Variants in DAB2IP observed in about 807,000 individuals in gnomAD.
DAB2IP encodes the protein disabled homolog 2-interacting protein.
DAB2IP carries 28 observed loss-of-function variants against 107.2 expected under a neutral mutation model. The observed-to-expected ratio is 0.26, with a 90% CI of 0.19 to 0.36. The LOEUF (loss-of-function observed/expected upper bound fraction) is 0.36. Ranked by LOEUF, DAB2IP falls within the 10% of genes least tolerant of loss-of-function variation. The pLI, the probability that DAB2IP is intolerant of heterozygous loss-of-function variation, is 1.00. For synonymous variants in DAB2IP, 755 were observed against 706.4 expected (o/e 1.07, Z -1.09); for missense variants, 1,400 against 1,644.7 (o/e 0.85, Z 2.57).
chr9:121,698,252 C>T lies in DAB2IP; in HGVS notation c.229-1073C>T, dbSNP rs181998733. ...CACCCCCCTCTTTAGAGGACTCCCC[C>T]TCCTCCAGTTTTCCTCTCCCTCAAG... On this transcript the variant is annotated intron_variant, in intron 2 of 15. Transcript: ENST00000408936. The surrounding 1 kb of genome is among the most constrained non-coding windows in gnomAD (Gnocchi z 4.1). Among the ~76,000 whole-genome samples, 8 of 152,314 alleles carry T rather than the reference C, an allele frequency of 5.3e-5. No individual in the cohort carries two copies. Among genetic ancestry groups the T allele is most frequent in the Non-Finnish European group, 8.8e-5 (6 of 68,024 alleles).
At chr9:121,624,805 C>T (rs1831585235) in intron 1 of DAB2IP, among the ~76,000 whole-genome samples, 1 of 152,194 alleles carries the variant, frequency 6.6e-6, no homozygotes, top group African/African-American at 2.4e-5. Context: ...ATGTAACACA[C>T]AACTGTACCT....
chr9:121,764,550 T>C (rs976561593), intron 8 of DAB2IP, among the ~76,000 whole-genome samples: 1 of 152,194 alleles, frequency 6.6e-6, no homozygotes, highest in Non-Finnish European at 1.5e-5. Context: ...GTGCCGAGTA[T>C]AGCCTCGTTC....
intron 3 of DAB2IP, chr9:121,743,043 A>G (rs1457363684): frequency 7.3e-6 from 7 of 961,420 alleles, no homozygotes; most frequent in Non-Finnish European, 8.7e-6. Context: ...TGGAGGGAGC[A>G]GGTGGGAGGA....
chr9:121,727,193 C>T (rs181175097), intron 3 of DAB2IP, among the ~76,000 whole-genome samples: 1 of 152,332 alleles, frequency 6.6e-6, no homozygotes, highest in East Asian at 1.9e-4. Context: ...ATCTGGAGAT[C>T]CCTCAAGCCC....
At chr9:121,570,378 T>G (rs1829910985) in intron 1 of DAB2IP, among the ~76,000 whole-genome samples, 1 of 151,738 alleles carries the variant, frequency 6.6e-6, no homozygotes, top group South Asian at 2.1e-4. Context: ...CCTCCCAAAG[T>G]GCTGTGATCC....
At position 121,760,310 on chromosome 9, in the gene DAB2IP, G is replaced by T. The variant is rs201057911; in HGVS notation, c.1041G>T (p.Glu347Asp). The T allele has an allele frequency of 6.2e-7, 1 of 1,613,648 alleles. No homozygotes were observed. The highest frequency in any genetic ancestry group is 1.7e-5 in the Admixed American group (1 of 60,002). ...TCCTGCCCATGGAGATGTACAAAGAGTTCGCTGAGCACATCACCAACCACT... is the reference window on the plus strand; with the variant it reads ...TCCTGCCCATGGAGATGTACAAAGATTTCGCTGAGCACATCACCAACCACT... Residue 347 changes from glutamate (E) to aspartate (D), a missense_variant, in exon 6 of 16, where the codon GAG (glutamate) becomes GAT (aspartate). By Grantham distance (45) the Glu-to-Asp change is conservative. This residue lies in a region of DAB2IP where 517 missense variants were observed against 748.6 expected (regional missense o/e 0.69). Coordinates refer to ENST00000408936, the Ensembl canonical transcript of DAB2IP. The surrounding 1 kb of genome is among the most constrained non-coding windows in gnomAD (Gnocchi z 5.9).
intron 3 of DAB2IP, among the ~76,000 whole-genome samples, chr9:121,711,426 G>A (rs1030257253): frequency 6.6e-6 from 1 of 152,208 alleles, no homozygotes; most frequent in Non-Finnish European, 1.5e-5. Flanking sequence ...TTGTGACCCA[G>A]GAGATGAAAG....
chr9:121,762,757 C>A (rs1833985834), intron 6 of DAB2IP, among the ~76,000 whole-genome samples: 2 of 152,218 alleles, frequency 1.3e-5, no homozygotes, highest in African/African-American at 4.8e-5. Flanking sequence ...TAGTTGTGAG[C>A]ACAAGGAGGT....
intron 1 of DAB2IP, among the ~76,000 whole-genome samples, chr9:121,666,607 G>A (rs1295898797): frequency 1.3e-5 from 2 of 152,134 alleles, no homozygotes; most frequent in Admixed American, 1.3e-4. Flanking sequence ...CGGGTTGGGG[G>A]GCCAGGGGAG....
At chr9:121,697,405 C>A (rs956286114) in intron 2 of DAB2IP, among the ~76,000 whole-genome samples, 1 of 152,198 alleles carries the variant, frequency 6.6e-6, no homozygotes, top group African/African-American at 2.4e-5. Context: ...GAGAACCCAT[C>A]CAAATTAGCC....
At chr9:121,578,445 C>T (rs986236305) in intron 1 of DAB2IP, among the ~76,000 whole-genome samples, 6 of 151,974 alleles carry the variant, frequency 3.9e-5, no homozygotes, top group Non-Finnish European at 5.9e-5. Context: ...GAGGGCCTAC[C>T]GTGCCCGGCA....
intron 14 of DAB2IP, among the ~76,000 whole-genome samples, chr9:121,778,611 CTT>C (rs1835376368): frequency 6.6e-6 from 1 of 151,980 alleles, no homozygotes; most frequent in Admixed American, 6.6e-5. Context: ...AGCTTTATCT[CTT>C]TGTTGCTCTA....
chr9:121,674,233 C>T (rs1833797406), intron 1 of DAB2IP, among the ~76,000 whole-genome samples: 2 of 152,184 alleles, frequency 1.3e-5, no homozygotes, highest in Non-Finnish European at 2.9e-5. Context: ...TGCCAGGGTT[C>T]CTCTTTGGCC....
chr9:121,625,107 T>C (rs967767865), intron 1 of DAB2IP, among the ~76,000 whole-genome samples: 1 of 152,136 alleles, frequency 6.6e-6, no homozygotes, highest in African/African-American at 2.4e-5. Context: ...CATAGGAAGT[T>C]ATTGTTTTTC....
chr9:121,720,618 C>T (rs1589579363), intron 3 of DAB2IP, among the ~76,000 whole-genome samples: 1 of 152,290 alleles, frequency 6.6e-6, no homozygotes, highest in African/African-American at 2.4e-5. Context: ...GCTCCCTGGG[C>T]AGTGAGCACA....
intron 12 of DAB2IP, 93 bp downstream of exon 12, chr9:121,773,588 C>A: frequency 7.6e-7 from 1 of 1,314,324 alleles, no homozygotes; most frequent in Non-Finnish European, 9.7e-7. Flanking sequence ...GGTCATTTCA[C>A]CTCCACCCTC....
At chr9:121,774,344 G>T in exon 13 of DAB2IP, 1 of 1,613,284 alleles carries the variant, frequency 6.2e-7, no homozygotes, top group South Asian at 1.1e-5. Flanking sequence ...AGAAGACGAG[G>T]GCCTGGGCCC....
chr9:121,626,424 C>CTTTTTTTTTTTTTTTTTTT (rs59085032), intron 1 of DAB2IP, among the ~76,000 whole-genome samples: 1 of 114,524 alleles, frequency 8.7e-6, no homozygotes. Context: ...GACGAGAAAC[C>CTTTTTTTTTTTTTTTTTTT]TTTTTTTTTT....
At chr9:121,732,695 A>G (rs913263029) in intron 3 of DAB2IP, among the ~76,000 whole-genome samples, 1 of 152,206 alleles carries the variant, frequency 6.6e-6, no homozygotes, top group East Asian at 1.9e-4. Flanking sequence ...CTCAGACCCG[A>G]GGGACAGGCT....
Sources: gnomAD v4.1 joint callset for allele counts (sites outside exome capture counted in the v4.1 genomes callset) on GRCh38, gnomAD v4.1.1 for gene constraint, gnomAD v4.1.1 regional missense constraint, Gnocchi (gnomAD v3.1) non-coding constraint, MANE v1.5 for transcripts, NCBI Gene and HGNC (gene_info 2026-07-23, HGNC 2026-07-21) for gene names.